The following DZANK1 variants were observed in gnomAD, a reference collection of about 807,000 sequenced individuals.
DZANK1 encodes double zinc ribbon and ankyrin repeat-containing protein 1.
A neutral mutation model predicts 94.5 loss-of-function variants in DZANK1; 91 were observed. The observed-to-expected ratio is 0.96, with a 90% CI of 0.81 to 1.15. DZANK1 has a LOEUF of 1.15. DZANK1 is among the 50% of genes most tolerant of loss of function. DZANK1 has a pLI of 0.00. For synonymous variants in DZANK1, 312 were observed against 325.3 expected (o/e 0.96, Z 0.44); for missense variants, 903 against 916.4 (o/e 0.99, Z 0.19).
chr20:18,418,125 G>A (rs2057586349), intron 10 of DZANK1, among the ~76,000 whole-genome samples: 1 of 152,054 alleles, frequency 6.6e-6, no homozygotes. Context: ...AGGCAGTAGA[G>A]AATGAACAGA....
chr20:18,406,996 G>C (rs1213669812), intron 13 of DZANK1, among the ~76,000 whole-genome samples: 1 of 152,152 alleles, frequency 6.6e-6, no homozygotes, highest in Non-Finnish European at 1.5e-5. Flanking sequence ...GGAAGAGCAG[G>C]AAAGACTTTC....
intron 13 of DZANK1, among the ~76,000 whole-genome samples, chr20:18,407,636 T>G (rs954606669): frequency 1.3e-5 from 2 of 152,184 alleles, no homozygotes; most frequent in Non-Finnish European, 2.9e-5. Context: ...GACAGAAAGT[T>G]CAAAATAGCT....
intron 9 of DZANK1, among the ~76,000 whole-genome samples, chr20:18,427,615 G>GTA (rs1382467008): frequency 2.8e-4 from 43 of 151,936 alleles, no homozygotes; most frequent in African/African-American, 1.0e-3. Flanking sequence ...GGGTGTGTGT[G>GTA]TGTGTGTGTG....
chr20:18,417,024 CA>C (rs758353663), intron 10 of DZANK1, among the ~76,000 whole-genome samples: 3,354 of 52,922 alleles, frequency 0.063, 136 homozygotes, highest in African/African-American at 0.18. Flanking sequence ...ATCAAAAAAA[CA>C]AAAAAAAACA....
chr20:18,456,487 T>C (rs879456983), intron 3 of DZANK1, among the ~76,000 whole-genome samples: 5 of 152,242 alleles, frequency 3.3e-5, no homozygotes, highest in Admixed American at 6.5e-5. Context: ...GTCAATGTAA[T>C]GTACACAATT....
chr20:18,443,757 C>T (rs561073403), intron 7 of DZANK1, among the ~76,000 whole-genome samples: 3 of 152,228 alleles, frequency 2.0e-5, no homozygotes, highest in East Asian at 1.9e-4. Context: ...ACTTCTTGCT[C>T]GGGCTCTGGC....
intron 14 of DZANK1, chr20:18,398,300 A>G (rs982777671): frequency 3.8e-6 from 2 of 519,584 alleles, no homozygotes; most frequent in Admixed American, 3.1e-5. Flanking sequence ...TCAGAATTTT[A>G]TTGTCTTAGG....
intron 3 of DZANK1, among the ~76,000 whole-genome samples, chr20:18,455,740 G>T (rs1295347238): frequency 6.6e-6 from 1 of 152,176 alleles, no homozygotes; most frequent in Non-Finnish European, 1.5e-5. Flanking sequence ...GCCTGGGCTG[G>T]GGTAACTGGA....
At chr20:18,412,370 T>C (rs1331731724) in intron 13 of DZANK1, among the ~76,000 whole-genome samples, 1 of 152,116 alleles carries the variant, frequency 6.6e-6, no homozygotes, top group Non-Finnish European at 1.5e-5. Flanking sequence ...ACTAACAACA[T>C]GCCGTCACGA....
chr20:18,393,497 A>G (rs761727628), intron 17 of DZANK1, among the ~76,000 whole-genome samples: 1 of 152,214 alleles, frequency 6.6e-6, no homozygotes, highest in Non-Finnish European at 1.5e-5. Flanking sequence ...AAACACAGAG[A>G]TGATTCAGGA....
intron 3 of DZANK1, among the ~76,000 whole-genome samples, chr20:18,459,750 C>A: frequency 6.6e-6 from 1 of 152,030 alleles, no homozygotes; most frequent in East Asian, 1.9e-4. Context: ...CGATACAAAA[C>A]GAAATCGAGA....
intron 8 of DZANK1, among the ~76,000 whole-genome samples, chr20:18,437,073 CT>C (rs1359852436): frequency 1.3e-5 from 2 of 152,088 alleles, no homozygotes; most frequent in Admixed American, 6.6e-5. Context: ...TAGATGATCA[CT>C]TGAGTTCACA....
exon 21 of DZANK1, chr20:18,384,481 G>A (rs964080936): frequency 6.2e-7 from 1 of 1,612,062 alleles, no homozygotes; most frequent in Non-Finnish European, 8.5e-7. Flanking sequence ...AAAGAGTGAG[G>A]TGACAAGGTC....
rs2059599481 is a variant in DZANK1, at chr20:18,465,129, A to G, written c.109+121T>C. On this transcript the variant is annotated intron_variant, in intron 2 of 20. Coordinates refer to ENST00000262547, the Ensembl canonical transcript of DZANK1. ...CTGTTTCAAATTTTAGAAGTTTTAC[A>G]AATTTCCCAAAAAGCTGAGCAAAGA... 4.6e-6 allele frequency: 3 copies of G among 646,496 alleles called. No individual in the cohort carries two copies. In the South Asian group the frequency reaches 6.1e-5, roughly 13 times the overall value. The allele number at this position is 646,496 out of a possible 1,614,324, so 40.0% of individuals were successfully genotyped here.
rs532240822 is a variant in DZANK1, at chr20:18,393,064, C to T, written c.1809+647G>A. Among the ~76,000 whole-genome samples, 11 of 152,208 alleles carry T rather than the reference C, an allele frequency of 7.2e-5. No homozygotes were observed. The South Asian group carries it at 2.3e-3, about 32-fold the overall frequency. On this transcript the variant is annotated intron_variant, in intron 17 of 20. Transcript: ENST00000262547. ...ATTTCGCAGAAAGCATAAGATTTGCCCAACAAAGGCTTCTACTTGGTGCAC... is the reference window on the plus strand; with the variant it reads ...ATTTCGCAGAAAGCATAAGATTTGCTCAACAAAGGCTTCTACTTGGTGCAC...
intron 6 of DZANK1, among the ~76,000 whole-genome samples, chr20:18,450,888 T>TA (rs141333906): frequency 0.01 from 1,584 of 152,336 alleles, 17 homozygotes; most frequent in African/African-American, 0.027. Flanking sequence ...GCAACTAGTG[T>TA]AAGAGCATCT....
At chr20:18,451,130 G>C (rs576045743) in intron 6 of DZANK1, among the ~76,000 whole-genome samples, 16 of 152,230 alleles carry the variant, frequency 1.1e-4, no homozygotes, top group Middle Eastern at 3.4e-3. Flanking sequence ...ATTTTCAGTA[G>C]AGACGGGGTT....
At chr20:18,422,651 C>G (rs1404402044) in intron 10 of DZANK1, among the ~76,000 whole-genome samples, 1 of 152,078 alleles carries the variant, frequency 6.6e-6, no homozygotes, top group Non-Finnish European at 1.5e-5. Context: ...GTCCCATCAT[C>G]AAGATATCTC....
intron 10 of DZANK1, among the ~76,000 whole-genome samples, chr20:18,424,363 G>C (rs757900438): frequency 9.2e-5 from 14 of 151,974 alleles, no homozygotes; most frequent in Non-Finnish European, 1.9e-4. Flanking sequence ...GCTGAGGCAG[G>C]AGAATGGCTT....
Sources: allele counts gnomAD v4.1 joint callset (sites outside exome capture counted in the v4.1 genomes callset), GRCh38; gene constraint gnomAD v4.1.1; transcripts MANE v1.5; gene names NCBI Gene and HGNC (gene_info 2026-07-23, HGNC 2026-07-21).